Variants in MAGEC3 observed in about 807,000 individuals in gnomAD.
The protein encoded by MAGEC3 is melanoma-associated antigen C3.
In MAGEC3, 34 loss-of-function variants were observed where a neutral mutation model predicts 35.3. The observed-to-expected ratio is 0.96, with a 90% confidence interval of 0.73 to 1.28. The LOEUF (loss-of-function observed/expected upper bound fraction) is 1.28, where lower values mean the gene tolerates loss of function less well. Among genes scored for constraint, MAGEC3 ranks in the 50% most tolerant of loss-of-function variants. The probability of loss-of-function intolerance (pLI) is 0.00; values close to 1 mark genes in which losing one functional copy is unlikely to be tolerated. For missense variants in MAGEC3, 561 were observed against 483.6 expected (o/e 1.16, Z -1.50); for synonymous variants, 202 against 185.6 (o/e 1.09, Z -0.72).
chrX:141,893,724 G>GA (rs1470809108), intron 4 of MAGEC3, among the ~76,000 whole-genome samples: 1 of 103,866 alleles, frequency 9.6e-6, no homozygotes, highest in African/African-American at 3.5e-5. Flanking sequence ...TGGGGGGGGG[G>GA]GCGTAGATAT....
Position 141,881,659 on chromosome X carries a change from C to T in MAGEC3, c.772C>T (p.Leu258Phe), listed in dbSNP as rs1386705709. 1 of 1,211,440 alleles carries T rather than the reference C, an allele frequency of 8.3e-7. No individual in the cohort carries two copies. Residue 258 changes from leucine to phenylalanine, a missense_variant, in exon 4 of 8, where the codon CTC (leucine) becomes TTC (phenylalanine). Leu to Phe is a conservative substitution (Grantham distance 22, BLOSUM62 0). Transcript: ENST00000298296. ...HFYVFVNTLD[L>F]TCEGSLSDEQ... Reference sequence around the variant, plus strand: ...CTATGTCTTTGTAAACACATTAGACCTCACCTGTGAGGGGAGTCTGAGTGA... The same window carrying T: ...CTATGTCTTTGTAAACACATTAGACTTCACCTGTGAGGGGAGTCTGAGTGA...
At chrX:141,866,619 G>A (rs1346419112) in intron 2 of MAGEC3, among the ~76,000 whole-genome samples, 1 of 112,217 alleles carries the variant, frequency 8.9e-6, no homozygotes, top group Non-Finnish European at 1.9e-5. Context: ...TCATATAAAT[G>A]CACAACGAAA....
intron 2 of MAGEC3, among the ~76,000 whole-genome samples, chrX:141,870,047 T>G (rs979446346): frequency 9.0e-6 from 1 of 111,319 alleles, no homozygotes; most frequent in Non-Finnish European, 1.9e-5. Context: ...AAAGTTTGAT[T>G]TTGGGAAGCG....
intron 1 of MAGEC3, among the ~76,000 whole-genome samples, chrX:141,854,237 T>C (rs765755752): frequency 2.7e-5 from 3 of 111,195 alleles, no homozygotes; most frequent in Non-Finnish European, 5.7e-5. Flanking sequence ...TTACAATTTA[T>C]GGTATGTCCT....
chrX:141,864,218 G>A (rs1008392329), intron 1 of MAGEC3, among the ~76,000 whole-genome samples: 15 of 106,160 alleles, frequency 1.4e-4, no homozygotes, highest in African/African-American at 4.6e-4. Context: ...GGTGGCTCAC[G>A]CTTATAATCC....
chrX:141,854,606 A>G (rs2017769731), intron 1 of MAGEC3, among the ~76,000 whole-genome samples: 1 of 111,291 alleles, frequency 9.0e-6, no homozygotes, highest in African/African-American at 3.3e-5. Context: ...GCCTGCTGCC[A>G]TCCATGTAGG....
At chrX:141,875,429 C>A (rs1405312611) in intron 2 of MAGEC3, among the ~76,000 whole-genome samples, 3 of 111,455 alleles carry the variant, frequency 2.7e-5, no homozygotes, top group Non-Finnish European at 5.6e-5. Context: ...TCCCCTCCCC[C>A]AAACCTGTGC....
chrX:141,882,308 A>G (rs1421096888), intron 4 of MAGEC3, among the ~76,000 whole-genome samples: 2 of 111,945 alleles, frequency 1.8e-5, no homozygotes, highest in Non-Finnish European at 3.8e-5. Context: ...TACTTTTTGA[A>G]TGATTTTCCT....
At chrX:141,854,159 G>T (rs1485933468) in intron 1 of MAGEC3, among the ~76,000 whole-genome samples, 1 of 111,316 alleles carries the variant, frequency 9.0e-6, no homozygotes, top group Admixed American at 9.6e-5. Flanking sequence ...TATAGCCCAG[G>T]AAGGGAGATT....
At chrX:141,872,075 G>T (rs745791314) in intron 2 of MAGEC3, among the ~76,000 whole-genome samples, 1 of 110,096 alleles carries the variant, frequency 9.1e-6, no homozygotes, top group African/African-American at 3.3e-5. Context: ...AGGGGTGAAA[G>T]CTTGACATAG....
intron 1 of MAGEC3, among the ~76,000 whole-genome samples, chrX:141,852,582 CTT>C (rs1014683585): frequency 6.3e-5 from 7 of 110,501 alleles, no homozygotes; most frequent in African/African-American, 2.3e-4. Context: ...TTTATGCACT[CTT>C]TGTCAAGTTG....
intron 4 of MAGEC3, 56 bp downstream of exon 4, chrX:141,881,852 A>C: frequency 1.7e-6 from 2 of 1,189,055 alleles, no homozygotes; most frequent in Non-Finnish European, 2.3e-6. Context: ...CTTGTCACTA[A>C]AGTTTGAGTG....
intron 3 of MAGEC3, 78 bp downstream of exon 3, chrX:141,879,509 G>C (rs113184895): frequency 0.063 from 67,769 of 1,077,050 alleles, 4,262 homozygotes; most frequent in African/African-American, 0.4. Context: ...GGCAGGAAGG[G>C]GTGGAAAGGG....
chrX:141,878,270 A>G (rs1206474763), intron 2 of MAGEC3, among the ~76,000 whole-genome samples: 1 of 112,446 alleles, frequency 8.9e-6, no homozygotes, highest in East Asian at 2.8e-4. Flanking sequence ...CCGACAGCAC[A>G]TAGTACCAAC....
chrX:141,879,364 A>C lies in MAGEC3; in HGVS notation c.448A>C (p.Thr150Pro), dbSNP rs376372353. 20 of 1,192,662 alleles carry C rather than the reference A, an allele frequency of 1.7e-5. No individual in the cohort carries two copies. The African/African-American group carries it at 2.0e-4, about 12-fold the overall frequency. ...DSDLPTWRRGTGYTLSLPAVS... is the reference protein window; with the variant it reads ...DSDLPTWRRGPGYTLSLPAVS... ...TGACCTTCCAACATGGAGGAGAGGC[A>C]CAGGCTACACCCTTTCCCTTCCTGC... The change falls in exon 3 of 8, where the codon ACA becomes CCA. Residue 150 changes from threonine to proline, a missense_variant. Transcript: ENST00000298296.
In MAGEC3 at chrX:141,897,338, A is replaced by T; in HGVS notation, c.1580A>T (p.Asp527Val). 3 of 1,211,808 alleles carry T rather than the reference A, an allele frequency of 2.5e-6. No homozygotes were observed. Among genetic ancestry groups the T allele is most frequent in the Non-Finnish European group, 3.3e-6 (3 of 895,543 alleles). The change falls in exon 7 of 8, where the codon GAC becomes GTC. Residue 527 changes from aspartate (D) to valine (V), a missense_variant. By Grantham distance (152) the Asp-to-Val change is radical (BLOSUM62 -3). Transcript: ENST00000298296. ...GACAACCACTCCTATTTCTTTGAAG[A>T]CACATTAGACCTCACCTATGAGGGA... ...DPDNHSYFFEDTLDLTYEGSL... is the reference protein window; with the variant it reads ...DPDNHSYFFEVTLDLTYEGSL...
chrX:141,848,642 G>GA (rs1007856228), intron 1 of MAGEC3, among the ~76,000 whole-genome samples: 5 of 110,499 alleles, frequency 4.5e-5, no homozygotes, highest in South Asian at 3.7e-4. Context: ...ACAAATAAAT[G>GA]AAAAAAAATT....
At chrX:141,862,521 A>G (rs1366316038) in intron 1 of MAGEC3, among the ~76,000 whole-genome samples, 1 of 112,591 alleles carries the variant, frequency 8.9e-6, no homozygotes, top group African/African-American at 3.2e-5. Flanking sequence ...CAGCAAAGAT[A>G]CAGATTCTAC....
chrX:141,853,449 C>T (rs2017763079), intron 1 of MAGEC3, among the ~76,000 whole-genome samples: 1 of 111,739 alleles, frequency 8.9e-6, no homozygotes, highest in Non-Finnish European at 1.9e-5. Flanking sequence ...TTGTTTATCT[C>T]TCCTCCATCT....
Sources: gnomAD v4.1 joint callset for allele counts (sites outside exome capture counted in the v4.1 genomes callset) on GRCh38, gnomAD v4.1.1 for gene constraint, MANE v1.5 for transcripts, NCBI Gene and HGNC (gene_info 2026-07-23, HGNC 2026-07-21) for gene names.